RBMS3: variants seen among roughly 807,000 people sequenced by gnomAD.
RBMS3 encodes the protein RNA binding motif single stranded interacting protein 3.
In RBMS3, 27 loss-of-function variants were observed where a neutral mutation model predicts 66.8. The ratio of observed to expected loss-of-function variants is 0.40; its 90% CI spans 0.30 to 0.56. The LOEUF is 0.56. RBMS3 is among the 20% of genes least tolerant of loss of function. The pLI is 0.40. For synonymous variants in RBMS3, 188 were observed against 183.0 expected (o/e 1.03, Z -0.22); for missense variants, 513 against 549.5 (o/e 0.93, Z 0.66).
Position 29,684,813 on chromosome 3 carries a change from C to CACACACACACAG in RBMS3, c.400-54904_400-54903insCACACACAGACA, listed in dbSNP as rs1386408420. 1.3e-3 allele frequency among the ~76,000 whole-genome samples: 187 copies of CACACACACACAG among 144,986 alleles called. 1 individual carries two copies. The highest frequency in any genetic ancestry group is 4.4e-3 in the African/African-American group (175 of 39,752). On this transcript the variant is annotated intron_variant, in intron 4 of 14. Coordinates refer to ENST00000383767, the MANE Select transcript of RBMS3 (RefSeq NM_001003793.3). ...ACACACACACACACACACACACACA[C>CACACACACACAG]ACAGACACATACACTGAGCTAAAGA...
intron 3 of RBMS3, among the ~76,000 whole-genome samples, chr3:29,574,828 AAC>A (rs201818764): frequency 0.071 from 10,368 of 146,596 alleles, 421 homozygotes; most frequent in African/African-American, 0.12. Context: ...TGCATAAGAA[AAC>A]ACACACACAC....
chr3:29,746,083 G>A (rs1050152030), intron 5 of RBMS3, among the ~76,000 whole-genome samples: 1 of 151,916 alleles, frequency 6.6e-6, no homozygotes, highest in Admixed American at 6.6e-5. Flanking sequence ...AATATAATGA[G>A]ACCACAGAAA....
chr3:29,608,630 A>T (rs1185334192), intron 4 of RBMS3, among the ~76,000 whole-genome samples: 1 of 152,038 alleles, frequency 6.6e-6, no homozygotes, highest in Non-Finnish European at 1.5e-5. Flanking sequence ...CACATGCTGC[A>T]TGCATGTATT....
intron 4 of RBMS3, among the ~76,000 whole-genome samples, chr3:29,729,314 G>A (rs1004223998): frequency 5.3e-5 from 8 of 152,070 alleles, no homozygotes; most frequent in East Asian, 1.9e-4. Flanking sequence ...AAAAGGACAT[G>A]AACTCATCCT....
chr3:29,645,734 A>G (rs1432940211), intron 4 of RBMS3, among the ~76,000 whole-genome samples: 2 of 152,152 alleles, frequency 1.3e-5, no homozygotes, highest in Non-Finnish European at 2.9e-5. Context: ...TTCCTCTTAG[A>G]CAATTAAAAC....
chr3:29,684,572 T>A (rs1375615646), intron 4 of RBMS3, among the ~76,000 whole-genome samples: 1 of 152,224 alleles, frequency 6.6e-6, no homozygotes, highest in East Asian at 1.9e-4. Flanking sequence ...TTTTTTTCCC[T>A]GAAAGCATTG....
At position 29,805,025 on chromosome 3, in the gene RBMS3, A is replaced by G. The variant is rs138307992; in HGVS notation, c.637+42036A>G. The stretch of plus-strand genomic sequence containing the variant: ...TTTAATTCCCTATTCTGAAACTACT[A>G]CTACTAGTATTTTTTAAATTATCTG... On this transcript the variant is annotated intron_variant, in intron 6 of 14. Transcript: ENST00000383767. Among the ~76,000 whole-genome samples, 1,021 of 151,898 alleles carry G rather than the reference A, an allele frequency of 6.7e-3. 10 individuals carry two copies. Among genetic ancestry groups the G allele is most frequent in the African/African-American group, 0.022 (922 of 41,420 alleles).
At chr3:29,957,030 G>A (rs1385382230) in intron 12 of RBMS3, among the ~76,000 whole-genome samples, 1 of 152,088 alleles carries the variant, frequency 6.6e-6, no homozygotes, top group Non-Finnish European at 1.5e-5. Context: ...TCTAGAATGT[G>A]TTTCCTTTAC....
intron 1 of RBMS3, among the ~76,000 whole-genome samples, chr3:29,339,365 G>T (rs935885605): frequency 6.6e-6 from 1 of 152,150 alleles, no homozygotes; most frequent in Admixed American, 6.6e-5. Flanking sequence ...TCAGTGTTTC[G>T]TGTGCTGGTC....
chr3:29,514,571 G>A (rs767507972), intron 3 of RBMS3, among the ~76,000 whole-genome samples: 6 of 148,606 alleles, frequency 4.0e-5, no homozygotes, highest in Admixed American at 1.4e-4. Context: ...TGACACTGAG[G>A]ATAAGAAAAA....
At chr3:29,981,718 G>A (rs1381749760) in intron 12 of RBMS3, among the ~76,000 whole-genome samples, 6 of 151,960 alleles carry the variant, frequency 3.9e-5, no homozygotes, top group Non-Finnish European at 8.8e-5. Flanking sequence ...CTGTTTATGT[G>A]ATGGACTACA....
chr3:29,828,120 G>C (rs1490473808), intron 6 of RBMS3, among the ~76,000 whole-genome samples: 3 of 151,940 alleles, frequency 2.0e-5, no homozygotes, highest in African/African-American at 7.3e-5. Flanking sequence ...GAACAGCATA[G>C]CACAGAACTG....
intron 2 of RBMS3, among the ~76,000 whole-genome samples, chr3:29,443,558 A>G (rs917974134): frequency 6.6e-6 from 1 of 152,174 alleles, no homozygotes; most frequent in South Asian, 2.1e-4. Context: ...ATATTCAGAA[A>G]TAATGCATTA....
At chr3:29,474,662 C>A (rs1016827855) in intron 2 of RBMS3, among the ~76,000 whole-genome samples, 5 of 152,132 alleles carry the variant, frequency 3.3e-5, no homozygotes, top group Non-Finnish European at 7.3e-5. Flanking sequence ...AATAAGTATG[C>A]GCTTACCATA....
intron 1 of RBMS3, among the ~76,000 whole-genome samples, chr3:29,361,868 T>A (rs4377454): frequency 6.6e-6 from 1 of 152,028 alleles, no homozygotes; most frequent in Non-Finnish European, 1.5e-5. Context: ...CATTCATCAC[T>A]TAGTTCTCGT....
intron 6 of RBMS3, among the ~76,000 whole-genome samples, chr3:29,812,277 G>C (rs1243224191): frequency 6.6e-6 from 1 of 152,124 alleles, no homozygotes; most frequent in Admixed American, 6.6e-5. Flanking sequence ...GGGAGGGATT[G>C]GTTAAAAGAT....
chr3:30,003,719 G>A, intron 14 of RBMS3, 137 bp from the exon 15 acceptor site: 1 of 517,842 alleles, frequency 1.9e-6, no homozygotes, highest in Non-Finnish European at 3.2e-6. Context: ...GACTCAGTAT[G>A]ATTTTATGAT....
intron 12 of RBMS3, 101 bp from the exon 13 acceptor site, chr3:29,988,042 G>C: frequency 1.1e-6 from 1 of 907,858 alleles, no homozygotes; most frequent in South Asian, 1.5e-5. Context: ...ATACACACTG[G>C]CTATGGGCCC....
intron 2 of RBMS3, among the ~76,000 whole-genome samples, chr3:29,440,905 A>T (rs938830783): frequency 5.9e-5 from 9 of 152,232 alleles, no homozygotes; most frequent in Non-Finnish European, 1.3e-4. Context: ...AATCTGTCAG[A>T]CTGTTCAGAT....
Sources: gnomAD v4.1 joint callset for allele counts (sites outside exome capture counted in the v4.1 genomes callset) on GRCh38, gnomAD v4.1.1 for gene constraint, MANE v1.5 for transcripts, NCBI Gene and HGNC (gene_info 2026-07-23, HGNC 2026-07-21) for gene names.